PARPBP: variants seen among roughly 807,000 people sequenced by gnomAD.
The protein encoded by PARPBP is PARP1 binding protein.
PARPBP carries 52 observed loss-of-function variants against 50.0 expected under a neutral mutation model. The observed-to-expected ratio is 1.04, with a 90% CI of 0.83 to 1.31. PARPBP has a LOEUF of 1.31. PARPBP is among the 50% of genes most tolerant of loss of function. The pLI, the probability that PARPBP is intolerant of heterozygous loss-of-function variation, is 0.00. For synonymous variants in PARPBP, 244 were observed against 232.1 expected (o/e 1.05, Z -0.47); for missense variants, 697 against 672.0 (o/e 1.04, Z -0.41).
At chr12:102,186,306 A>G (rs971609418) in intron 9 of PARPBP, among the ~76,000 whole-genome samples, 4 of 151,756 alleles carry the variant, frequency 2.6e-5, no homozygotes, top group Non-Finnish European at 5.9e-5. Flanking sequence ...CTTGGTTTCA[A>G]TTATGTTTAT....
At chr12:102,159,511 G>A (rs1887335835) in intron 4 of PARPBP, among the ~76,000 whole-genome samples, 1 of 152,158 alleles carries the variant, frequency 6.6e-6, no homozygotes, top group East Asian at 1.9e-4. Flanking sequence ...CATCAAATGT[G>A]TTTACTAATA....
chr12:102,189,131 A>G (rs976845187), intron 9 of PARPBP, among the ~76,000 whole-genome samples: 3 of 152,226 alleles, frequency 2.0e-5, no homozygotes, highest in African/African-American at 4.8e-5. Context: ...TACATTGGTC[A>G]TAATTCTTTC....
At chr12:102,158,342 T>C (rs1176437700) in intron 4 of PARPBP, among the ~76,000 whole-genome samples, 1 of 152,186 alleles carries the variant, frequency 6.6e-6, no homozygotes, top group Non-Finnish European at 1.5e-5. Context: ...TTTATTGCTC[T>C]CCTTTTTGTG....
At chr12:102,169,587 G>C (rs942251164) in intron 6 of PARPBP, among the ~76,000 whole-genome samples, 1 of 151,906 alleles carries the variant, frequency 6.6e-6, no homozygotes, top group Non-Finnish European at 1.5e-5. Context: ...TCTTCCTATA[G>C]CTACTATTTT....
intron 2 of PARPBP, among the ~76,000 whole-genome samples, chr12:102,129,080 C>T (rs1168882249): frequency 6.6e-6 from 1 of 151,994 alleles, no homozygotes; most frequent in African/African-American, 2.4e-5. Context: ...TACCTCTTGG[C>T]AATTTGTGTG....
chr12:102,154,638 A>G (rs536061853), intron 4 of PARPBP, among the ~76,000 whole-genome samples: 1 of 152,322 alleles, frequency 6.6e-6, no homozygotes, highest in African/African-American at 2.4e-5. Context: ...TTAACCCTCT[A>G]TAATGTGGTT....
chr12:102,179,324 A>G (rs1373195200), intron 8 of PARPBP, among the ~76,000 whole-genome samples: 1 of 152,250 alleles, frequency 6.6e-6, no homozygotes, highest in Non-Finnish European at 1.5e-5. Context: ...CCCTCAAATT[A>G]TGAAGAAAAA....
At chr12:102,165,041 G>C (rs1887996022) in intron 5 of PARPBP, among the ~76,000 whole-genome samples, 1 of 152,130 alleles carries the variant, frequency 6.6e-6, no homozygotes, top group Admixed American at 6.5e-5. Context: ...TATTTAATCT[G>C]TTGTTTCCTA....
At chr12:102,182,897 G>A (rs1447688996) in intron 9 of PARPBP, among the ~76,000 whole-genome samples, 5 of 152,254 alleles carry the variant, frequency 3.3e-5, no homozygotes, top group East Asian at 1.9e-4. Context: ...ATAAATATCC[G>A]TTGAATGAGT....
At chr12:102,157,316 A>G (rs1425726997) in intron 4 of PARPBP, among the ~76,000 whole-genome samples, 1 of 152,240 alleles carries the variant, frequency 6.6e-6, no homozygotes, top group African/African-American at 2.4e-5. Flanking sequence ...CATAACCGCA[A>G]TATAAGAAAT....
intron 2 of PARPBP, among the ~76,000 whole-genome samples, chr12:102,134,447 T>G (rs73384833): frequency 0.045 from 6,878 of 152,196 alleles, 435 homozygotes; most frequent in East Asian, 0.3. Flanking sequence ...AATAAGGACA[T>G]TGAATCAGTA....
intron 9 of PARPBP, among the ~76,000 whole-genome samples, chr12:102,184,046 G>GAAAAAAAAAAAAAAAAA (rs71438459): frequency 9.3e-4 from 56 of 59,918 alleles, no homozygotes; most frequent in Non-Finnish European, 1.1e-3. Context: ...GACTCTATCT[G>GAAAAAAAAAAAAAAAAA]AAAAAAAAAA....
In PARPBP at chr12:102,196,519, A is replaced by G; in HGVS notation, c.*228A>G. 1.3e-6 allele frequency: 1 copy of G among 771,176 alleles called. No homozygotes were observed. Among genetic ancestry groups the G allele is most frequent in the Admixed American group, 2.1e-5 (1 of 46,730 alleles). The allele number at this position is 771,176 out of a possible 1,614,324, so 47.8% of individuals were successfully genotyped here. A position where few individuals can be genotyped will look rare whatever the true frequency, so the allele number is the denominator to read the frequency against. The stretch of plus-strand genomic sequence containing the variant: ...AAAGCATATCATTTCAGTTACTGAT[A>G]CATCTTAACACTACTTTCTTTTAAA... On this transcript the variant is annotated 3_prime_UTR_variant, in exon 11 of 11. Coordinates refer to ENST00000327680, the MANE Select transcript of PARPBP (RefSeq NM_017915.5).
chr12:102,147,851 G>A (rs914036088), intron 2 of PARPBP, among the ~76,000 whole-genome samples: 4 of 151,898 alleles, frequency 2.6e-5, no homozygotes, highest in Admixed American at 2.6e-4. Context: ...CCAAAAGAAC[G>A]AAAAGGAACT....
chr12:102,192,893 T>C (rs1041643297), intron 9 of PARPBP, among the ~76,000 whole-genome samples: 1 of 152,002 alleles, frequency 6.6e-6, no homozygotes, highest in African/African-American at 2.4e-5. Context: ...GGAAAGAAAA[T>C]CTGCATATAA....
chr12:102,189,318 G>T (rs1890588991), intron 9 of PARPBP, among the ~76,000 whole-genome samples: 1 of 152,182 alleles, frequency 6.6e-6, no homozygotes, highest in Non-Finnish European at 1.5e-5. Context: ...GTGCCACAGG[G>T]CATAGACTGT....
At chr12:102,131,096 G>T (rs2137403270) in intron 2 of PARPBP, among the ~76,000 whole-genome samples, 2 of 151,906 alleles carry the variant, frequency 1.3e-5, no homozygotes, top group East Asian at 3.9e-4. Flanking sequence ...AGGCCAAGGT[G>T]GGTGGATCAC....
chr12:102,183,658 A>G (rs1022752255), intron 9 of PARPBP, among the ~76,000 whole-genome samples: 14 of 152,190 alleles, frequency 9.2e-5, no homozygotes. Context: ...TTGGATAGAA[A>G]CAGAAGTGTA....
At chr12:102,193,507 CT>C (rs1370703563) in intron 9 of PARPBP, among the ~76,000 whole-genome samples, 2 of 151,844 alleles carry the variant, frequency 1.3e-5, no homozygotes, top group Non-Finnish European at 2.9e-5. Context: ...TCTTACTATA[CT>C]CTTTATAACT....
Sources: allele counts gnomAD v4.1 joint callset (sites outside exome capture counted in the v4.1 genomes callset), GRCh38; gene constraint gnomAD v4.1.1; transcripts MANE v1.5; gene names NCBI Gene and HGNC (gene_info 2026-07-23, HGNC 2026-07-21).